Variants in CCBE1 observed in about 807,000 individuals in gnomAD.
CCBE1 encodes collagen and calcium-binding EGF domain-containing protein 1.
A neutral mutation model predicts 50.0 loss-of-function variants in CCBE1; 37 were observed. That is an observed-to-expected ratio of 0.74 (90% CI 0.57 to 0.97). The LOEUF is 0.97. Ranked by LOEUF, CCBE1 falls within the 50% of genes least tolerant of loss-of-function variation. CCBE1 has a pLI of 0.00. For synonymous variants in CCBE1, 234 were observed against 203.7 expected (o/e 1.15, Z -1.27); for missense variants, 538 against 523.8 (o/e 1.03, Z -0.26).
At chr18:59,484,860 C>A (rs1337595406) in intron 2 of CCBE1, among the ~76,000 whole-genome samples, 1 of 152,086 alleles carries the variant, frequency 6.6e-6, no homozygotes, top group Non-Finnish European at 1.5e-5. Flanking sequence ...TAAATAATGA[C>A]ATATTCTGAA....
intron 7 of CCBE1, among the ~76,000 whole-genome samples, chr18:59,446,596 AAC>A (rs10602476): frequency 0.13 from 19,881 of 152,196 alleles, 1,437 homozygotes; most frequent in African/African-American, 0.19. Flanking sequence ...GTGGAGAGAA[AAC>A]ACACAAATCC....
chr18:59,454,597 G>A (rs1911092312), intron 6 of CCBE1, among the ~76,000 whole-genome samples: 1 of 152,146 alleles, frequency 6.6e-6, no homozygotes, highest in African/African-American at 2.4e-5. Context: ...CCTATCTATG[G>A]CTTTGCCACG....
intron 2 of CCBE1, among the ~76,000 whole-genome samples, chr18:59,690,461 G>A (rs2054714636): frequency 6.6e-6 from 1 of 152,198 alleles, no homozygotes; most frequent in African/African-American, 2.4e-5. Context: ...AGGAGCTCCG[G>A]TCCTGCTGAG....
At chr18:59,696,520 A>G in intron 2 of CCBE1, 109 bp downstream of exon 2, 1 of 1,578,054 alleles carries the variant, frequency 6.3e-7, no homozygotes, top group Non-Finnish European at 8.6e-7. Flanking sequence ...TTCCAGCGTA[A>G]AAGCTGCTCC....
At chr18:59,552,726 T>C (rs1382691126) in intron 2 of CCBE1, among the ~76,000 whole-genome samples, 4 of 152,226 alleles carry the variant, frequency 2.6e-5, no homozygotes, top group Non-Finnish European at 5.9e-5. Flanking sequence ...AAGAGGCAGC[T>C]GATGGAAGAT....
At chr18:59,475,318 C>A (rs1350661523) in intron 3 of CCBE1, among the ~76,000 whole-genome samples, 1 of 152,138 alleles carries the variant, frequency 6.6e-6, no homozygotes, top group Non-Finnish European at 1.5e-5. Context: ...GTACACCATC[C>A]CCTTGTTTAA....
Position 59,618,502 on chromosome 18 carries a change from T to A in CCBE1, c.212+78127A>T, listed in dbSNP as rs2053667865. 1.3e-5 allele frequency among the ~76,000 whole-genome samples: 2 copies of A among 150,132 alleles called. 1 individual carries two copies. The highest frequency in any genetic ancestry group is 4.0e-4 in the East Asian group (2 of 4,962). On this transcript the variant is annotated intron_variant, in intron 2 of 10. Transcript: ENST00000439986. ...CAGACTGGAGCGCAGTGGCACAATCTCGGCTTACTGCAACCTCCATCTCTC... is the reference window on the plus strand; with the variant it reads ...CAGACTGGAGCGCAGTGGCACAATCACGGCTTACTGCAACCTCCATCTCTC...
rs926905291 is a variant in CCBE1, at chr18:59,447,964, T to C, written c.775+19A>G. 5 of 1,613,850 alleles carry C rather than the reference T, an allele frequency of 3.1e-6. No homozygotes were observed. The highest frequency in any genetic ancestry group is 1.7e-4 in the Middle Eastern group (1 of 6,002). On this transcript the variant is annotated intron_variant, in intron 7 of 10. Coordinates refer to ENST00000439986, the MANE Select transcript of CCBE1 (RefSeq NM_133459.4). ...TTTTCTGTTGGTGATCACCCTCCTG[T>C]GCCCTCTTCCACACTCACCGGGAGG...
At chr18:59,617,613 T>A (rs2053653977) in intron 2 of CCBE1, among the ~76,000 whole-genome samples, 1 of 152,230 alleles carries the variant, frequency 6.6e-6, no homozygotes, top group Non-Finnish European at 1.5e-5. Flanking sequence ...GGCTACTTTT[T>A]CAGAGATGGG....
intron 2 of CCBE1, among the ~76,000 whole-genome samples, chr18:59,507,579 A>G (rs1432476581): frequency 1.3e-5 from 2 of 152,210 alleles, no homozygotes; most frequent in Non-Finnish European, 2.9e-5. Flanking sequence ...CCACTTCCAG[A>G]AAGTGTTGAT....
intron 2 of CCBE1, among the ~76,000 whole-genome samples, chr18:59,557,127 C>T (rs1383569718): frequency 6.6e-6 from 1 of 152,200 alleles, no homozygotes; most frequent in Non-Finnish European, 1.5e-5. Context: ...GCATCCCAGG[C>T]CAGCATGTGA....
At chr18:59,621,841 G>A (rs1055738562) in intron 2 of CCBE1, among the ~76,000 whole-genome samples, 9 of 152,010 alleles carry the variant, frequency 5.9e-5, no homozygotes, top group East Asian at 1.9e-4. Flanking sequence ...CAAACATCAC[G>A]AACATCAGCA....
intron 2 of CCBE1, among the ~76,000 whole-genome samples, chr18:59,483,241 TG>T (rs76172516): frequency 0.077 from 10,471 of 135,282 alleles, 846 homozygotes; most frequent in East Asian, 0.37. Context: ...TAAAATGTGA[TG>T]AAAAAAATTA....
chr18:59,509,204 A>G (rs1914022560), intron 2 of CCBE1, among the ~76,000 whole-genome samples: 1 of 152,208 alleles, frequency 6.6e-6, no homozygotes, highest in Admixed American at 6.5e-5. Context: ...AGTGGCTGCC[A>G]CAATATTTCC....
chr18:59,478,400 G>T (rs531516815), intron 3 of CCBE1, among the ~76,000 whole-genome samples: 1 of 152,236 alleles, frequency 6.6e-6, no homozygotes, highest in East Asian at 1.9e-4. Context: ...TATGACTAAA[G>T]ATATCTTTAG....
At chr18:59,609,646 A>C (rs569838522) in intron 2 of CCBE1, among the ~76,000 whole-genome samples, 5 of 152,326 alleles carry the variant, frequency 3.3e-5, no homozygotes, top group East Asian at 1.9e-4. Flanking sequence ...GTTTACTCTA[A>C]AAGTATCTTT....
chr18:59,586,401 T>C (rs570923541), intron 2 of CCBE1, among the ~76,000 whole-genome samples: 47 of 152,182 alleles, frequency 3.1e-4, no homozygotes, highest in Middle Eastern at 3.2e-3. Flanking sequence ...AAAAACATAA[T>C]GGTGAGTGGC....
At chr18:59,513,216 G>A (rs1914211053) in intron 2 of CCBE1, among the ~76,000 whole-genome samples, 1 of 152,222 alleles carries the variant, frequency 6.6e-6, no homozygotes, top group South Asian at 2.1e-4. Context: ...GCTGAGGCAT[G>A]AGAATCGCTT....
intron 5 of CCBE1, among the ~76,000 whole-genome samples, chr18:59,460,866 C>T (rs1023987815): frequency 5.3e-5 from 8 of 151,812 alleles, no homozygotes; most frequent in African/African-American, 1.9e-4. Context: ...ACCTGGGAGG[C>T]AGAGGTTGCA....
Sources: gnomAD v4.1 joint callset for allele counts (sites outside exome capture counted in the v4.1 genomes callset) on GRCh38, gnomAD v4.1.1 for gene constraint, MANE v1.5 for transcripts, NCBI Gene and HGNC (gene_info 2026-07-23, HGNC 2026-07-21) for gene names.